SLC29A3: variants seen among roughly 807,000 people sequenced by gnomAD.
The protein encoded by SLC29A3 is equilibrative nucleoside transporter 3.
SLC29A3 carries 18 observed loss-of-function variants against 25.4 expected under a neutral mutation model. The observed-to-expected ratio is 0.71, with a 90% CI of 0.49 to 1.05. The LOEUF (loss-of-function observed/expected upper bound fraction) is 1.05. SLC29A3 is among the 50% of genes least tolerant of loss of function. The probability of loss-of-function intolerance (pLI) is 0.00; values close to 1 mark genes in which losing one functional copy is unlikely to be tolerated. For missense variants in SLC29A3, 586 were observed against 609.0 expected, an observed-to-expected ratio of 0.96 and a Z score of 0.40; for synonymous variants, 258 against 267.1, an observed-to-expected ratio of 0.97 and a Z score of 0.33.
At chr10:71,360,139 T>C (rs1416126601) in intron 5 of SLC29A3, among the ~76,000 whole-genome samples, 4 of 124,464 alleles carry the variant, frequency 3.2e-5, no homozygotes, top group East Asian at 2.1e-4. Context: ...TTCTTCTTTT[T>C]TTTTTTTTTT....
chr10:71,352,565 A>C (rs1417547657), intron 4 of SLC29A3: 1 of 152,212 alleles, frequency 6.6e-6, no homozygotes, highest in Non-Finnish European at 1.5e-5. Flanking sequence ...CTGATTTTAT[A>C]GAGGACCTGC....
intron 3 of SLC29A3, among the ~76,000 whole-genome samples, chr10:71,375,448 G>A (rs750662949): frequency 2.6e-5 from 4 of 152,196 alleles, no homozygotes; most frequent in Non-Finnish European, 5.9e-5. Flanking sequence ...AAACTCAACA[G>A]TTTCCCTTTT....
At chr10:71,343,153 T>G (rs1011132411) in intron 2 of SLC29A3, among the ~76,000 whole-genome samples, 1 of 152,208 alleles carries the variant, frequency 6.6e-6, no homozygotes, top group Non-Finnish European at 1.5e-5. Context: ...TTTTATTTTT[T>G]GTAGAGACAG....
At chr10:71,371,236 G>T (rs1847209045) in intron 3 of SLC29A3, among the ~76,000 whole-genome samples, 1 of 152,168 alleles carries the variant, frequency 6.6e-6, no homozygotes, top group Non-Finnish European at 1.5e-5. Flanking sequence ...CTCACTCCAG[G>T]GTGAAGGATG....
chr10:71,362,424 C>T lies in SLC29A3; in HGVS notation c.1244C>T (p.Pro415Leu). The T allele has an allele frequency of 6.2e-7, 1 of 1,614,208 alleles. No individual in the cohort carries two copies. Among genetic ancestry groups the T allele is most frequent in the African/African-American group, 1.3e-5 (1 of 75,062 alleles). Residue 415 changes from proline (P) to leucine (L), a missense_variant, in exon 6 of 6, where the codon CCC becomes CTC. Transcript: ENST00000373189. Reference sequence around the variant, plus strand: ...GTGGTCTTCCAGTCCGATGTGTACCCCGCACTCCTCAGCTCCCTGCTGGGG... The same window carrying T: ...GTGGTCTTCCAGTCCGATGTGTACCTCGCACTCCTCAGCTCCCTGCTGGGG... Reference protein sequence around the residue: ...KTVVFQSDVYPALLSSLLGLS... With the variant: ...KTVVFQSDVYLALLSSLLGLS...
At chr10:71,348,301 G>A (rs1206637330) in intron 3 of SLC29A3, among the ~76,000 whole-genome samples, 1 of 152,232 alleles carries the variant, frequency 6.6e-6, no homozygotes, top group African/African-American at 2.4e-5. Flanking sequence ...CAAACTTCTT[G>A]GCATTTGTTC....
chr10:71,347,548 G>C (rs940566719), intron 3 of SLC29A3, among the ~76,000 whole-genome samples: 9 of 152,232 alleles, frequency 5.9e-5, no homozygotes, highest in Non-Finnish European at 1.2e-4. Context: ...GCAGCAGAGA[G>C]GGAAGCCAGT....
chr10:71,344,180 G>T (rs747847432), intron 2 of SLC29A3, 29 bp from the exon 3 acceptor site: 2 of 1,584,910 alleles, frequency 1.3e-6, no homozygotes, highest in East Asian at 2.2e-5. Context: ...CTGAGTGACC[G>T]CAGCACCTCC....
chr10:71,349,216 T>G (rs1846679072), intron 3 of SLC29A3, among the ~76,000 whole-genome samples: 1 of 152,176 alleles, frequency 6.6e-6, no homozygotes, highest in Non-Finnish European at 1.5e-5. Context: ...GTGGGTACTT[T>G]GAGTACCCAC....
chr10:71,323,375 C>G (rs1845897511), intron 2 of SLC29A3, among the ~76,000 whole-genome samples: 1 of 152,216 alleles, frequency 6.6e-6, no homozygotes, highest in African/African-American at 2.4e-5. Flanking sequence ...TCGGGACAGC[C>G]CAAGGCTGGT....
intron 3 of SLC29A3, among the ~76,000 whole-genome samples, chr10:71,374,468 A>G (rs1360607580): frequency 1.3e-5 from 2 of 152,308 alleles, no homozygotes; most frequent in South Asian, 2.1e-4. Flanking sequence ...ATAGAGCTCC[A>G]TTCTGCTCCC....
At chr10:71,363,400 A>G (rs1564544389), downstream of SLC29A3, 2 of 452,526 alleles carry the variant, frequency 4.4e-6, no homozygotes, top group African/African-American at 2.0e-5. Context: ...AGCCTCATTG[A>G]TGTCTCTGTT....
intron 2 of SLC29A3, among the ~76,000 whole-genome samples, chr10:71,335,435 G>T (rs1189023530): frequency 6.6e-6 from 1 of 152,238 alleles, no homozygotes; most frequent in East Asian, 1.9e-4. Flanking sequence ...GCTGCAAGGA[G>T]GAGGGGCGTG....
chr10:71,363,799 TTC>T (rs1351694869), downstream of SLC29A3, among the ~76,000 whole-genome samples: 2 of 49,338 alleles, frequency 4.1e-5, no homozygotes, highest in East Asian at 8.8e-4. Flanking sequence ...TTTTCTTTTT[TTC>T]CTTTTTCTTT....
At chr10:71,353,032 C>G (rs1430928407) in intron 4 of SLC29A3, among the ~76,000 whole-genome samples, 1 of 152,168 alleles carries the variant, frequency 6.6e-6, no homozygotes, top group African/African-American at 2.4e-5. Context: ...GCCAGGATGA[C>G]AATACTTTGA....
Position 71,328,719 on chromosome 10 carries a change from A to T in SLC29A3, c.300+5665A>T, listed in dbSNP as rs566299648. On this transcript the variant is annotated intron_variant, in intron 2 of 5. Coordinates refer to ENST00000373189, the MANE Select transcript of SLC29A3 (RefSeq NM_018344.6). ...CATGGCTCTGCAAGGGAGCAGAAGA[A>T]GATCTGGGAGTCACAGTGGCTACCA... Among the ~76,000 whole-genome samples, 65 of 152,326 alleles carry T rather than the reference A, an allele frequency of 4.3e-4. 1 individual carries two copies. In the South Asian group the frequency reaches 0.013, roughly 32 times the overall value.
At chr10:71,363,808 C>CTTTTTTTT (rs71012277), downstream of SLC29A3, among the ~76,000 whole-genome samples, 113 of 103,702 alleles carry the variant, frequency 1.1e-3, 10 homozygotes, top group Middle Eastern at 6.7e-3. Flanking sequence ...TTTCCTTTTT[C>CTTTTTTTT]TTTTCTTTTT....
chr10:71,380,849 A>G (rs1564548154), exon 5 of SLC29A3: 1 of 152,190 alleles, frequency 6.6e-6, no homozygotes, highest in East Asian at 1.9e-4. Flanking sequence ...GGCACTTATT[A>G]TAAGTGCTAA....
chr10:71,354,545 C>T (rs754695494), intron 4 of SLC29A3, among the ~76,000 whole-genome samples: 2 of 152,210 alleles, frequency 1.3e-5, no homozygotes, highest in Non-Finnish European at 2.9e-5. Context: ...CGTGATGGTG[C>T]GCACGGTGGA....
Sources: gnomAD v4.1 joint callset for allele counts (sites outside exome capture counted in the v4.1 genomes callset) on GRCh38, gnomAD v4.1.1 for gene constraint, MANE v1.5 for transcripts, NCBI Gene and HGNC (gene_info 2026-07-23, HGNC 2026-07-21) for gene names.